NT5C2: variants seen among roughly 807,000 people sequenced by gnomAD.
NT5C2 encodes 5'-nucleotidase, cytosolic II, also known as cytosolic purine 5'-nucleotidase.
In NT5C2, 58 loss-of-function variants were observed where a neutral mutation model predicts 76.1. The observed-to-expected ratio is 0.76, with a 90% CI of 0.62 to 0.95. The LOEUF (loss-of-function observed/expected upper bound fraction) is 0.95. Ranked by LOEUF, NT5C2 falls within the 40% of genes least tolerant of loss-of-function variation. The probability of loss-of-function intolerance (pLI) is 0.00; values close to 1 mark genes in which losing one functional copy is unlikely to be tolerated. For missense variants in NT5C2, 478 were observed against 690.3 expected, an observed-to-expected ratio of 0.69 and a Z score of 3.45; for synonymous variants, 229 against 237.4, an observed-to-expected ratio of 0.96 and a Z score of 0.32.
At chr10:103,181,577 T>A (rs1388843570) in intron 1 of NT5C2, among the ~76,000 whole-genome samples, 1 of 152,178 alleles carries the variant, frequency 6.6e-6, no homozygotes, top group East Asian at 1.9e-4. Flanking sequence ...AAGACCACTA[T>A]CTTTAAACTA....
In NT5C2 at chr10:103,123,737, C is replaced by T. The variant is rs533523147; in HGVS notation, c.175+15669G>A. 1.7e-3 allele frequency among the ~76,000 whole-genome samples: 260 copies of T among 152,192 alleles called. 6 individuals are homozygous for T. In the South Asian group the frequency reaches 0.05, roughly 29 times the overall value. On this transcript the variant is annotated intron_variant, in intron 4 of 18. Transcript: ENST00000404739. ...GAGCTTATTGCTGGATTTACTGAAA[C>T]GGCTCAGAATCTAAAGTGCTGGAGC... is the stretch of plus-strand genomic sequence containing the variant.
chr10:103,161,862 G>C (rs1244768438), intron 3 of NT5C2, among the ~76,000 whole-genome samples: 1 of 152,178 alleles, frequency 6.6e-6, no homozygotes, highest in Non-Finnish European at 1.5e-5. Flanking sequence ...TAAATTAGTG[G>C]CTGACACGGG....
intron 3 of NT5C2, among the ~76,000 whole-genome samples, chr10:103,161,260 T>C (rs1174870214): frequency 6.6e-6 from 1 of 152,056 alleles, no homozygotes; most frequent in Non-Finnish European, 1.5e-5. Context: ...TCACTGCCAC[T>C]TTGACTTCCC....
chr10:103,170,253 T>C (rs1565268487), intron 3 of NT5C2, among the ~76,000 whole-genome samples: 1 of 152,172 alleles, frequency 6.6e-6, no homozygotes, highest in Non-Finnish European at 1.5e-5. Flanking sequence ...GAGGTTACCG[T>C]GAACTATGAT....
intron 4 of NT5C2, among the ~76,000 whole-genome samples, chr10:103,110,439 G>A (rs1411273044): frequency 6.6e-6 from 1 of 152,180 alleles, no homozygotes; most frequent in African/African-American, 2.4e-5. Context: ...CTGGGCAACA[G>A]AGTGAGACTT....
At chr10:103,153,369 G>A in intron 3 of NT5C2, 1 of 1,243,206 alleles carries the variant, frequency 8.0e-7, no homozygotes, top group Non-Finnish European at 1.0e-6. Context: ...CTGATCTCTT[G>A]AGAACTGTAG....
chr10:103,178,646 C>G (rs529181184), intron 2 of NT5C2, among the ~76,000 whole-genome samples: 16 of 151,908 alleles, frequency 1.1e-4, no homozygotes, highest in African/African-American at 3.6e-4. Context: ...TCTTGGCCAT[C>G]ATGGTGAAAC....
intron 15 of NT5C2, among the ~76,000 whole-genome samples, chr10:103,092,198 T>C (rs1161297012): frequency 1.3e-5 from 2 of 152,172 alleles, no homozygotes; most frequent in East Asian, 3.8e-4. Flanking sequence ...CCCTCCTTCA[T>C]CTACTGTATG....
chr10:103,115,453 C>G (rs530545110), intron 4 of NT5C2, among the ~76,000 whole-genome samples: 16 of 152,232 alleles, frequency 1.1e-4, no homozygotes, highest in Non-Finnish European at 2.4e-4. Context: ...AAAAATTCAT[C>G]TTAATAACTT....
At chr10:103,149,389 C>T (rs2133614844) in intron 3 of NT5C2, among the ~76,000 whole-genome samples, 1 of 152,280 alleles carries the variant, frequency 6.6e-6, no homozygotes, top group African/African-American at 2.4e-5. Context: ...TTAAAATTCC[C>T]TTCACCTTCA....
intron 3 of NT5C2, among the ~76,000 whole-genome samples, chr10:103,143,827 T>C (rs750766818): frequency 1.3e-5 from 2 of 151,908 alleles, no homozygotes; most frequent in African/African-American, 2.4e-5. Context: ...TAGTGGCACA[T>C]GCCTATAGTC....
At chr10:103,097,407 A>G in intron 10 of NT5C2, 33 bp from the exon 11 acceptor site, 1 of 1,547,302 alleles carries the variant, frequency 6.5e-7, no homozygotes, top group South Asian at 1.1e-5. Flanking sequence ...GTGAAACACG[A>G]AAACATTTTT....
chr10:103,153,696 A>G lies in NT5C2; in HGVS notation c.102-14217T>C, dbSNP rs1437660596. 6 of 985,284 alleles carry G rather than the reference A, an allele frequency of 6.1e-6. No individual in the cohort carries two copies. In the African/African-American group the frequency reaches 1.0e-4, roughly 17 times the overall value. 61.0% of individuals were successfully genotyped at this position (985,284 alleles called of 1,614,324 possible). A position where few individuals can be genotyped will look rare whatever the true frequency, so the allele number is the denominator to read the frequency against. On this transcript the variant is annotated intron_variant, in intron 3 of 18. Coordinates refer to ENST00000404739, the MANE Select transcript of NT5C2 (RefSeq NM_001351169.2). ...CCTCCAACAGTACGCAAACAATGTG[A>G]GTTTCACAGAATCAAGCAGCCCTGG... is the stretch of plus-strand genomic sequence containing the variant.
At chr10:103,122,232 C>G (rs1167148625) in intron 4 of NT5C2, among the ~76,000 whole-genome samples, 1 of 152,138 alleles carries the variant, frequency 6.6e-6, no homozygotes, top group Non-Finnish European at 1.5e-5. Context: ...AATCCTGAGG[C>G]TTAACGAAGC....
At chr10:103,189,746 G>C (rs911599946) in intron 1 of NT5C2, among the ~76,000 whole-genome samples, 1 of 149,256 alleles carries the variant, frequency 6.7e-6, no homozygotes, top group African/African-American at 2.5e-5. Context: ...TAGGCTCACT[G>C]CAACCTCTGC....
intron 3 of NT5C2, among the ~76,000 whole-genome samples, chr10:103,154,435 TAAAA>T (rs1328354148): frequency 1.3e-5 from 2 of 151,470 alleles, no homozygotes; most frequent in East Asian, 3.9e-4. Flanking sequence ...GTAGAAAAAA[TAAAA>T]AAGAAAAAAC....
chr10:103,114,979 C>T (rs2073985078), intron 4 of NT5C2, among the ~76,000 whole-genome samples: 1 of 152,220 alleles, frequency 6.6e-6, no homozygotes. Flanking sequence ...TATCATTTGT[C>T]CTTTCCTCAT....
intron 4 of NT5C2, among the ~76,000 whole-genome samples, chr10:103,127,552 T>C (rs918061646): frequency 1.3e-5 from 2 of 152,128 alleles, no homozygotes; most frequent in Non-Finnish European, 2.9e-5. Flanking sequence ...GGGAAATAAA[T>C]GATTACCAAA....
At chr10:103,182,322 A>T (rs985351615) in intron 1 of NT5C2, among the ~76,000 whole-genome samples, 1 of 152,162 alleles carries the variant, frequency 6.6e-6, no homozygotes, top group African/African-American at 2.4e-5. Context: ...AGTAGTTTCT[A>T]CTTCACTCAA....
Sources: allele counts gnomAD v4.1 joint callset (sites outside exome capture counted in the v4.1 genomes callset), GRCh38; gene constraint gnomAD v4.1.1; transcripts MANE v1.5; gene names NCBI Gene and HGNC (gene_info 2026-07-23, HGNC 2026-07-21).